Variants in PEX5L observed in about 807,000 individuals in gnomAD.
The protein encoded by PEX5L is PEX5-related protein.
A neutral mutation model predicts 84.0 loss-of-function variants in PEX5L; 30 were observed. The ratio of observed to expected loss-of-function variants is 0.36; its 90% CI spans 0.27 to 0.48. PEX5L has a LOEUF of 0.48. PEX5L is among the 20% of genes least tolerant of loss of function. The pLI, the probability that PEX5L is intolerant of heterozygous loss-of-function variation, is 0.99. For synonymous variants in PEX5L, 270 were observed against 283.1 expected (o/e 0.95, Z 0.46); for missense variants, 533 against 754.6 (o/e 0.71, Z 3.44).
chr3:179,994,058 G>A (rs2110385825), intron 1 of PEX5L, among the ~76,000 whole-genome samples: 1 of 152,230 alleles, frequency 6.6e-6, no homozygotes, highest in Middle Eastern at 3.4e-3. Flanking sequence ...AATATGTGTA[G>A]TTCCACAATG....
intron 2 of PEX5L, among the ~76,000 whole-genome samples, chr3:179,941,988 T>TCCA (rs934088744): frequency 8.6e-6 from 1 of 115,750 alleles, no homozygotes; most frequent in African/African-American, 3.4e-5. Flanking sequence ...GCCACTGCAC[T>TCCA]CCAACCTGGG....
At chr3:179,923,401 A>G (rs1251103579) in intron 2 of PEX5L, among the ~76,000 whole-genome samples, 2 of 152,158 alleles carry the variant, frequency 1.3e-5, no homozygotes, top group Non-Finnish European at 2.9e-5. Flanking sequence ...TCCTCCAAAG[A>G]ACACTGGGGA....
At chr3:180,014,111 G>A (rs933758222) in intron 1 of PEX5L, among the ~76,000 whole-genome samples, 1 of 152,182 alleles carries the variant, frequency 6.6e-6, no homozygotes, top group African/African-American at 2.4e-5. Context: ...TTAATGAAAT[G>A]TGTTTTATGT....
intron 12 of PEX5L, among the ~76,000 whole-genome samples, chr3:179,809,254 G>A (rs1475038146): frequency 3.9e-5 from 6 of 152,060 alleles, no homozygotes; most frequent in South Asian, 4.1e-4. Context: ...TCAGATAAAT[G>A]TCTGTGAGTG....
intron 2 of PEX5L, among the ~76,000 whole-genome samples, chr3:179,946,898 A>AT (rs368171226): frequency 1.2e-4 from 19 of 152,326 alleles, no homozygotes; most frequent in African/African-American, 3.8e-4. Context: ...CTATACATGG[A>AT]TTTTTTGCAT....
At position 179,796,133 on chromosome 3, in the gene PEX5L, CTTTT is replaced by C. The variant is rs1274857847; in HGVS notation, c.*5691_*5694del. On this transcript the variant is annotated 3_prime_UTR_variant, in exon 15 of 15. Coordinates refer to ENST00000467460, the MANE Select transcript of PEX5L (RefSeq NM_016559.3). Reference sequence around the variant, plus strand: ...GAGCTGAGTGTGTATACCTCTTAGTCTTTTTGTGTTATACCATTTCCCTTTCCAA... The same window carrying C: ...GAGCTGAGTGTGTATACCTCTTAGTCTGTGTTATACCATTTCCCTTTCCAA... The C allele has an allele frequency of 2.6e-5, 4 of 152,096 alleles. No individual in the cohort carries two copies. Among genetic ancestry groups the C allele is most frequent in the African/African-American group, 9.7e-5 (4 of 41,406 alleles). The allele number at this position is 152,096 out of a possible 1,614,324, so 9.4% of individuals were successfully genotyped here.
At position 179,828,562 on chromosome 3, in the gene PEX5L, G is replaced by C. The variant is rs181645445; in HGVS notation, c.823-8586C>G. Among the ~76,000 whole-genome samples, 30 of 152,242 alleles carry C rather than the reference G, an allele frequency of 2.0e-4. No homozygotes were observed. The East Asian group carries it at 5.6e-3, about 28-fold the overall frequency. On this transcript the variant is annotated intron_variant, in intron 8 of 14. Transcript: ENST00000467460. ...CATAAGGAAACAGGTTCCTTACTGT[G>C]TAACTTCCCAGGATCTTCATATGTT...
intron 2 of PEX5L, among the ~76,000 whole-genome samples, chr3:179,929,842 T>C (rs1246450074): frequency 6.6e-6 from 1 of 152,226 alleles, no homozygotes; most frequent in Admixed American, 6.5e-5. Context: ...CCCGGTGACC[T>C]GCGTAGACCT....
chr3:179,993,372 T>C (rs1787563006), intron 1 of PEX5L, among the ~76,000 whole-genome samples: 1 of 152,210 alleles, frequency 6.6e-6, no homozygotes, highest in South Asian at 2.1e-4. Context: ...AATTGTCCCT[T>C]GGTATCCATG....
At chr3:179,833,400 T>C (rs1196972399) in intron 8 of PEX5L, among the ~76,000 whole-genome samples, 1 of 152,232 alleles carries the variant, frequency 6.6e-6, no homozygotes, top group Admixed American at 6.5e-5. Flanking sequence ...ATCTCTTAAT[T>C]CTTACTCTTG....
At chr3:179,866,263 A>G (rs946506026) in intron 7 of PEX5L, among the ~76,000 whole-genome samples, 6 of 152,274 alleles carry the variant, frequency 3.9e-5, no homozygotes, top group Non-Finnish European at 8.8e-5. Context: ...CCTATATATT[A>G]TCGCTGGAGG....
intron 2 of PEX5L, among the ~76,000 whole-genome samples, chr3:179,928,611 T>C (rs971870393): frequency 1.3e-5 from 2 of 152,206 alleles, no homozygotes; most frequent in African/African-American, 4.8e-5. Context: ...TGGATTGAAT[T>C]TTAAGCATTT....
chr3:179,909,118 G>A (rs1764296092), intron 2 of PEX5L, among the ~76,000 whole-genome samples: 1 of 151,974 alleles, frequency 6.6e-6, no homozygotes, highest in Non-Finnish European at 1.5e-5. Flanking sequence ...TTCATCCATG[G>A]AATAAGTGGC....
chr3:179,989,100 C>G (rs1175382293), intron 1 of PEX5L, among the ~76,000 whole-genome samples: 3 of 152,092 alleles, frequency 2.0e-5, no homozygotes, highest in Non-Finnish European at 1.5e-5. Flanking sequence ...AACAGAAATC[C>G]GTGGTAGGGA....
chr3:179,805,386 T>C (rs1720913376), intron 14 of PEX5L, among the ~76,000 whole-genome samples: 2 of 152,266 alleles, frequency 1.3e-5, no homozygotes, highest in South Asian at 4.1e-4. Context: ...CCCCTGAGAA[T>C]ACCAAAATCT....
chr3:179,814,837 T>C (rs990287854), intron 10 of PEX5L, among the ~76,000 whole-genome samples: 1 of 152,148 alleles, frequency 6.6e-6, no homozygotes, highest in Non-Finnish European at 1.5e-5. Flanking sequence ...TTCAAATTCT[T>C]GCCTATCTCT....
At chr3:179,967,041 C>T (rs1211864282) in intron 2 of PEX5L, among the ~76,000 whole-genome samples, 1 of 152,186 alleles carries the variant, frequency 6.6e-6, no homozygotes, top group Non-Finnish European at 1.5e-5. Context: ...GGGAAGTAAA[C>T]AGTTAAGGAG....
At position 179,797,868 on chromosome 3, in the gene PEX5L, T is replaced by G. The variant is rs1244873445; in HGVS notation, c.*3960A>C. 6.6e-6 allele frequency: 1 copy of G among 152,104 alleles called. No individual in the cohort carries two copies. The highest frequency in any genetic ancestry group is 1.9e-4 in the East Asian group (1 of 5,196). 9.4% of individuals were successfully genotyped at this position (152,104 alleles called of 1,614,324 possible). A position where few individuals can be genotyped will look rare whatever the true frequency, so the allele number is the denominator to read the frequency against. On this transcript the variant is annotated 3_prime_UTR_variant, in exon 15 of 15. Coordinates refer to ENST00000467460, the MANE Select transcript of PEX5L (RefSeq NM_016559.3). ...AATGTTCTAGAAGTATCTCAAGATA[T>G]AAAACAACAACCACCACTGCTACAA...
At chr3:179,973,494 C>G in intron 1 of PEX5L, 1 of 960,606 alleles carries the variant, frequency 1.0e-6, no homozygotes, top group Non-Finnish European at 1.2e-6. Flanking sequence ...GACTGTTGTT[C>G]CCATTTAATG....
Sources: allele counts gnomAD v4.1 joint callset (sites outside exome capture counted in the v4.1 genomes callset), GRCh38; gene constraint gnomAD v4.1.1; transcripts MANE v1.5; gene names NCBI Gene and HGNC (gene_info 2026-07-23, HGNC 2026-07-21).